The following DSCAM variants were observed in gnomAD, a reference collection of about 807,000 sequenced individuals.
DSCAM encodes the protein DS cell adhesion molecule.
In DSCAM, 47 loss-of-function variants were observed where a neutral mutation model predicts 217.7. The ratio of observed to expected loss-of-function variants is 0.22; its 90% CI spans 0.17 to 0.28. DSCAM has a LOEUF of 0.28. Among genes scored for constraint, DSCAM ranks in the 10% least tolerant of loss-of-function variants. The pLI is 1.00. For missense variants in DSCAM, 2,080 were observed against 2,618.3 expected (o/e 0.79, Z 4.49); for synonymous variants, 1,056 against 1,015.3 (o/e 1.04, Z -0.76).
At chr21:40,561,121 C>CAT (rs748299620) in intron 3 of DSCAM, among the ~76,000 whole-genome samples, 3 of 152,154 alleles carry the variant, frequency 2.0e-5, no homozygotes, top group Non-Finnish European at 4.4e-5. Flanking sequence ...TATTAAATAG[C>CAT]ATAGTGTATT....
chr21:40,693,615 T>C (rs1290429425), intron 2 of DSCAM, among the ~76,000 whole-genome samples: 1 of 152,048 alleles, frequency 6.6e-6, no homozygotes, highest in Non-Finnish European at 1.5e-5. Flanking sequence ...AAAAAATGAA[T>C]AAAAAATTCA....
chr21:40,659,509 A>G (rs763883588), intron 3 of DSCAM, among the ~76,000 whole-genome samples: 1 of 151,938 alleles, frequency 6.6e-6, no homozygotes, highest in Non-Finnish European at 1.5e-5. Flanking sequence ...TTATCTATCT[A>G]TCTATCATCT....
intron 11 of DSCAM, among the ~76,000 whole-genome samples, chr21:40,229,751 A>C (rs1359944932): frequency 1.3e-5 from 2 of 152,256 alleles, no homozygotes; most frequent in African/African-American, 4.8e-5. Flanking sequence ...CATCAGTTGA[A>C]GCACAGCTTG....
intron 28 of DSCAM, among the ~76,000 whole-genome samples, chr21:40,056,655 A>C (rs765877883): frequency 2.6e-5 from 4 of 152,248 alleles, no homozygotes; most frequent in African/African-American, 4.8e-5. Flanking sequence ...ATAAGACTTT[A>C]CTAGATGTTC....
chr21:40,747,542 A>G (rs908835564), intron 1 of DSCAM, among the ~76,000 whole-genome samples: 3 of 151,764 alleles, frequency 2.0e-5, no homozygotes, highest in African/African-American at 7.2e-5. Context: ...ATAATGAATA[A>G]CCATATTGAG....
At position 40,265,166 on chromosome 21, in the gene DSCAM, A is replaced by C. The variant is rs965704439; in HGVS notation, c.2356+10931T>G. On this transcript the variant is annotated intron_variant, in intron 11 of 32. Transcript: ENST00000400454. ...GAAATCGTACCACTTCATTCACTCC[A>C]GTGTGGGGGACAGAGCAAAATTCCG... is the stretch of plus-strand genomic sequence containing the variant. 3.3e-5 allele frequency among the ~76,000 whole-genome samples: 5 copies of C among 151,878 alleles called. No homozygotes were observed. The South Asian group carries it at 1.0e-3, about 32-fold the overall frequency.
At chr21:40,064,674 T>A (rs7276767) in intron 27 of DSCAM, among the ~76,000 whole-genome samples, 2 of 152,146 alleles carry the variant, frequency 1.3e-5, no homozygotes, top group South Asian at 4.2e-4. Context: ...TTGCCATGAA[T>A]GGGCAGTGTG....
At chr21:40,451,072 G>C (rs1273360984) in intron 3 of DSCAM, among the ~76,000 whole-genome samples, 1 of 152,142 alleles carries the variant, frequency 6.6e-6, no homozygotes, top group African/African-American at 2.4e-5. Flanking sequence ...GTGGAGTTGG[G>C]GGCAGGAAGG....
intron 32 of DSCAM, among the ~76,000 whole-genome samples, chr21:40,028,118 T>A (rs967238321): frequency 1.6e-4 from 13 of 80,946 alleles, no homozygotes; most frequent in African/African-American, 6.5e-4. Context: ...TGGAGTACCC[T>A]GCCCTGTGAG....
chr21:40,374,182 A>C (rs1438446489), intron 3 of DSCAM, among the ~76,000 whole-genome samples: 1 of 152,248 alleles, frequency 6.6e-6, no homozygotes, highest in Non-Finnish European at 1.5e-5. Context: ...TGTACCCAAT[A>C]AATGTATATA....
intron 32 of DSCAM, among the ~76,000 whole-genome samples, chr21:40,022,218 T>C (rs2088284890): frequency 6.6e-6 from 1 of 152,106 alleles, no homozygotes; most frequent in African/African-American, 2.4e-5. Context: ...CCAGGGGACA[T>C]GTAGCAAAGT....
intron 1 of DSCAM, among the ~76,000 whole-genome samples, chr21:40,837,325 C>T (rs529845237): frequency 1.3e-5 from 2 of 152,102 alleles, no homozygotes; most frequent in African/African-American, 2.4e-5. Flanking sequence ...TGGGGCCCCT[C>T]GTGCCTGTGA....
At chr21:40,041,600 G>A (rs1361003879) in intron 32 of DSCAM, among the ~76,000 whole-genome samples, 1 of 152,138 alleles carries the variant, frequency 6.6e-6, no homozygotes, top group Non-Finnish European at 1.5e-5. Context: ...CTTTGACCCT[G>A]TTCTCTAGCC....
At chr21:40,236,348 C>T (rs2073079257) in intron 11 of DSCAM, among the ~76,000 whole-genome samples, 3 of 152,178 alleles carry the variant, frequency 2.0e-5, no homozygotes, top group Non-Finnish European at 2.9e-5. Context: ...GGCTCACGCT[C>T]ACCGTGTTGT....
At chr21:40,300,386 C>T (rs955894620) in intron 9 of DSCAM, among the ~76,000 whole-genome samples, 5 of 152,200 alleles carry the variant, frequency 3.3e-5, no homozygotes, top group African/African-American at 7.2e-5. Context: ...TCCTCAAATT[C>T]TCTGCATCTC....
chr21:40,541,414 C>T (rs1254080766), intron 3 of DSCAM, among the ~76,000 whole-genome samples: 5 of 151,762 alleles, frequency 3.3e-5, no homozygotes, highest in African/African-American at 1.2e-4. Context: ...CGAGAATAAA[C>T]AGCAAAGCTT....
intron 3 of DSCAM, among the ~76,000 whole-genome samples, chr21:40,681,274 G>A (rs746930596): frequency 6.6e-6 from 1 of 152,202 alleles, no homozygotes; most frequent in Non-Finnish European, 1.5e-5. Context: ...GCTTGGTCCA[G>A]GACTGCCTGG....
At chr21:40,382,038 T>C (rs1601601797) in intron 3 of DSCAM, among the ~76,000 whole-genome samples, 1 of 152,200 alleles carries the variant, frequency 6.6e-6, no homozygotes, top group Non-Finnish European at 1.5e-5. Context: ...GAGCAAAAAA[T>C]GTTTGAAGAG....
chr21:40,219,091 C>T (rs888264802), intron 11 of DSCAM, among the ~76,000 whole-genome samples: 1 of 152,108 alleles, frequency 6.6e-6, no homozygotes, highest in Admixed American at 6.6e-5. Context: ...TTGCCCATTC[C>T]ATATGATATT....
Sources: gnomAD v4.1 joint callset for allele counts (sites outside exome capture counted in the v4.1 genomes callset) on GRCh38, gnomAD v4.1.1 for gene constraint, MANE v1.5 for transcripts, NCBI Gene and HGNC (gene_info 2026-07-23, HGNC 2026-07-21) for gene names.